INPP5D: variants seen among roughly 807,000 people sequenced by gnomAD.
INPP5D encodes phosphatidylinositol 3,4,5-trisphosphate 5-phosphatase 1.
In INPP5D, 33 loss-of-function variants were observed where a neutral mutation model predicts 122.9. The observed-to-expected ratio is 0.27, with a 90% confidence interval of 0.20 to 0.36. The LOEUF is 0.36. Ranked by LOEUF, INPP5D falls within the 10% of genes least tolerant of loss-of-function variation. INPP5D has a pLI of 1.00. For synonymous variants in INPP5D, 584 were observed against 576.2 expected (o/e 1.01, Z -0.19); for missense variants, 1,053 against 1,412.7 (o/e 0.75, Z 4.08).
At chr2:233,109,168 C>T (rs934388063) in intron 2 of INPP5D, among the ~76,000 whole-genome samples, 1 of 152,238 alleles carries the variant, frequency 6.6e-6, no homozygotes, top group Non-Finnish European at 1.5e-5. Context: ...AGGAGCCTAG[C>T]TTTGCCATGC....
chr2:233,103,237 G>A (rs1297994189), intron 2 of INPP5D, among the ~76,000 whole-genome samples: 2 of 152,214 alleles, frequency 1.3e-5, no homozygotes, highest in East Asian at 1.9e-4. Context: ...AATCTCTGCT[G>A]CACAAAGAAT....
intron 21 of INPP5D, among the ~76,000 whole-genome samples, chr2:233,186,862 A>G (rs1015795328): frequency 6.6e-6 from 1 of 151,034 alleles, no homozygotes; most frequent in African/African-American, 2.4e-5. Context: ...AGCTTGGACT[A>G]CAGATGTGCA....
intron 19 of INPP5D, 119 bp from the exon 20 acceptor site, chr2:233,184,289 T>C (rs1694853607): frequency 2.8e-6 from 4 of 1,407,820 alleles, no homozygotes; most frequent in Non-Finnish European, 3.8e-6. Context: ...CTCCTCCCAC[T>C]AGACTCCCAC....
At chr2:233,063,848 C>T (rs898289375) in intron 1 of INPP5D, among the ~76,000 whole-genome samples, 3 of 152,280 alleles carry the variant, frequency 2.0e-5, no homozygotes, top group African/African-American at 7.2e-5. Flanking sequence ...TCAAATCCCC[C>T]GGCAGAGTTG....
chr2:233,068,099 A>G (rs955592446), intron 1 of INPP5D, among the ~76,000 whole-genome samples: 11 of 152,050 alleles, frequency 7.2e-5, no homozygotes, highest in Non-Finnish European at 2.9e-5. Context: ...CAGCATGACC[A>G]ACATGGAGAA....
In INPP5D at chr2:233,170,780, C is replaced by T. The variant is rs537656273; in HGVS notation, c.1900+176C>T. 6.6e-6 allele frequency among the ~76,000 whole-genome samples: 1 copy of T among 151,884 alleles called. No individual in the cohort carries two copies. Among genetic ancestry groups the T allele is most frequent in the South Asian group, 2.1e-4 (1 of 4,808 alleles). Reference sequence around the variant, plus strand: ...AATTAGCCGGGTGTGGTGGCGGGTGCCTGTAGTCCCAGCTACTTGGGAGGC... The same window carrying T: ...AATTAGCCGGGTGTGGTGGCGGGTGTCTGTAGTCCCAGCTACTTGGGAGGC... On this transcript the variant is annotated intron_variant, in intron 16 of 26. Transcript: ENST00000445964. This position sits in a 1 kb window ranked among gnomAD's most constrained non-coding sequence, Gnocchi z 4.5.
chr2:233,070,146 C>T (rs900391061), intron 1 of INPP5D, among the ~76,000 whole-genome samples: 4 of 152,322 alleles, frequency 2.6e-5, no homozygotes, highest in East Asian at 1.9e-4. Context: ...ATTCTCTTTG[C>T]CATTTTTCTA....
intron 9 of INPP5D, among the ~76,000 whole-genome samples, chr2:233,149,664 A>T (rs1446833187): frequency 6.6e-6 from 1 of 152,192 alleles, no homozygotes; most frequent in Non-Finnish European, 1.5e-5. Context: ...ATTTTGCAAT[A>T]GTGCATCCTG....
intron 5 of INPP5D, among the ~76,000 whole-genome samples, chr2:233,135,320 G>A (rs767804808): frequency 1.4e-4 from 21 of 151,672 alleles, no homozygotes; most frequent in Admixed American, 3.9e-4. Flanking sequence ...CTTTAACTCC[G>A]GAGTATCTGT....
chr2:233,148,934 G>T (rs1455228798), intron 9 of INPP5D, among the ~76,000 whole-genome samples: 1 of 151,974 alleles, frequency 6.6e-6, no homozygotes, highest in African/African-American at 2.4e-5. Flanking sequence ...AAATACAGGA[G>T]GCCCAGTAAA....
rs113634501 is a variant in INPP5D, at chr2:233,130,381, T to G, written c.525-127T>G. Reference sequence around the variant, plus strand: ...CTTCGTCCAGGTTTGCAAACATTCTTCTGAAGGACGGTGTCCCCTTGGAGG... The same window carrying G: ...CTTCGTCCAGGTTTGCAAACATTCTGCTGAAGGACGGTGTCCCCTTGGAGG... On this transcript the variant is annotated intron_variant, in intron 4 of 26. Coordinates refer to ENST00000445964, the MANE Select transcript of INPP5D (RefSeq NM_001017915.3). 1.7e-5 allele frequency: 18 copies of G among 1,029,222 alleles called. No individual in the cohort carries two copies. In the South Asian group the frequency reaches 2.9e-4, roughly 16 times the overall value. 63.8% of individuals were successfully genotyped at this position (1,029,222 alleles called of 1,614,324 possible).
intron 18 of INPP5D, among the ~76,000 whole-genome samples, chr2:233,179,134 T>G: frequency 6.6e-6 from 1 of 151,826 alleles, no homozygotes; most frequent in East Asian, 1.9e-4. Context: ...CACCTTTAGA[T>G]GTGTGGGAAG....
Position 233,194,012 on chromosome 2 carries a change from C to T in INPP5D, c.2596+51C>T, listed in dbSNP as rs70940834. Reference sequence around the variant, plus strand: ...CCCTCTTCAGCCCCCCACTTAGGGACGGGAACGTGCTTTCTCTCAGCAAAG... The same window carrying T: ...CCCTCTTCAGCCCCCCACTTAGGGATGGGAACGTGCTTTCTCTCAGCAAAG... On this transcript the variant is annotated intron_variant, in intron 23 of 26. Coordinates refer to ENST00000445964, the MANE Select transcript of INPP5D (RefSeq NM_001017915.3). The T allele has an allele frequency of 1.7e-3, 2,569 of 1,510,004 alleles. 65 individuals carry two copies. In the East Asian group the frequency reaches 0.045, roughly 26 times the overall value. The allele number at this position is 1,510,004 out of a possible 1,614,324, so 93.5% of individuals were successfully genotyped here.
chr2:233,164,477 G>T lies in INPP5D; in HGVS notation c.1555+53G>T. On this transcript the variant is annotated intron_variant, in intron 13 of 26. Coordinates refer to ENST00000445964, the MANE Select transcript of INPP5D (RefSeq NM_001017915.3). The surrounding 1 kb of genome is among the most constrained non-coding windows in gnomAD (Gnocchi z 4.3). ...TCCCACACCCTCTGCCTCAACTCTC[G>T]CGACCACATCATCCTGATCCCACCA... 13 of 1,495,060 alleles carry T rather than the reference G, an allele frequency of 8.7e-6. No individual in the cohort carries two copies. Among genetic ancestry groups the T allele is most frequent in the South Asian group, 7.8e-5 (6 of 77,182 alleles). The allele number at this position is 1,495,060 out of a possible 1,614,324, so 92.6% of individuals were successfully genotyped here.
At chr2:233,090,379 G>A (rs999895399) in intron 2 of INPP5D, among the ~76,000 whole-genome samples, 1 of 152,184 alleles carries the variant, frequency 6.6e-6, no homozygotes, top group African/African-American at 2.4e-5. Flanking sequence ...TTTCATTTCT[G>A]CTCTTCCTGG....
At position 233,139,466 on chromosome 2, in the gene INPP5D, C is replaced by CTGTGTGTGTGTGTGTGTG. The variant is rs1191977468; in HGVS notation, c.666-354_666-337dup. On this transcript the variant is annotated intron_variant, in intron 5 of 26. Transcript: ENST00000445964. ...GCCCAGAAATTTGCATTGTTAACAC[C>CTGTGTGTGTGTGTGTGTG]TGTGTGTGTGTGTGTGTGTGTGTGT... Among the ~76,000 whole-genome samples, 458 of 147,526 alleles carry CTGTGTGTGTGTGTGTGTG rather than the reference C, an allele frequency of 3.1e-3. 4 individuals are homozygous for CTGTGTGTGTGTGTGTGTG. The highest frequency in any genetic ancestry group is 0.011 in the African/African-American group (432 of 40,150).
intron 1 of INPP5D, among the ~76,000 whole-genome samples, chr2:233,072,784 T>C (rs1250705641): frequency 2.0e-5 from 3 of 152,254 alleles, no homozygotes; most frequent in African/African-American, 7.2e-5. Context: ...CTGTAAGTTT[T>C]CTCTTTTATT....
In INPP5D at chr2:233,167,618, G is replaced by A. The variant is rs537626462; in HGVS notation, c.1556-1687G>A. 2.0e-5 allele frequency among the ~76,000 whole-genome samples: 3 copies of A among 152,318 alleles called. No homozygotes were observed. In the South Asian group the frequency reaches 6.2e-4, roughly 32 times the overall value. On this transcript the variant is annotated intron_variant, in intron 13 of 26. Coordinates refer to ENST00000445964, the MANE Select transcript of INPP5D (RefSeq NM_001017915.3). ...AGTGGAGAGGGCTGGAGGGCAGAAA[G>A]CCTGTGTACTCCCCCACTGGGTCCT...
At chr2:233,145,313 G>T (rs1693729296) in intron 6 of INPP5D, 2 of 456,154 alleles carry the variant, frequency 4.4e-6, no homozygotes, top group African/African-American at 4.0e-5. Context: ...GGCCCTGTAT[G>T]TACTGAACAA....
Sources: gnomAD v4.1 joint callset for allele counts (sites outside exome capture counted in the v4.1 genomes callset) on GRCh38, gnomAD v4.1.1 for gene constraint, Gnocchi (gnomAD v3.1) non-coding constraint, MANE v1.5 for transcripts, NCBI Gene and HGNC (gene_info 2026-07-23, HGNC 2026-07-21) for gene names.